The following RRBP1 variants were observed in gnomAD, a reference collection of about 807,000 sequenced individuals.
RRBP1 encodes the protein ribosome-binding protein 1.
In RRBP1, 94 loss-of-function variants were observed where a neutral mutation model predicts 165.2. The observed-to-expected ratio is 0.57, with a 90% CI of 0.48 to 0.68. The LOEUF (loss-of-function observed/expected upper bound fraction) is 0.68, where lower values mean the gene tolerates loss of function less well. Ranked by LOEUF, RRBP1 falls within the 30% of genes least tolerant of loss-of-function variation. The pLI is 0.00. For synonymous variants in RRBP1, 680 were observed against 714.5 expected (o/e 0.95, Z 0.77); for missense variants, 1,676 against 1,763.0 (o/e 0.95, Z 0.88).
intron 9 of RRBP1, among the ~76,000 whole-genome samples, chr20:17,629,473 G>A (rs2036103000): frequency 6.6e-6 from 1 of 152,100 alleles, no homozygotes; most frequent in South Asian, 2.1e-4. Flanking sequence ...CACAGCCACT[G>A]CGGACCCAGG....
intron 11 of RRBP1, among the ~76,000 whole-genome samples, chr20:17,626,571 C>A (rs760055564): frequency 6.6e-6 from 1 of 152,194 alleles, no homozygotes; most frequent in Non-Finnish European, 1.5e-5. Context: ...TGGCCTAGGA[C>A]ACATCTGACC....
At chr20:17,639,932 C>T (rs116853707) in intron 5 of RRBP1, among the ~76,000 whole-genome samples, 1 of 151,270 alleles carries the variant, frequency 6.6e-6, no homozygotes, top group Non-Finnish European at 1.5e-5. Flanking sequence ...GTAAACACAT[C>T]GGCTCTGCTC....
At chr20:17,661,779 G>A (rs752890115) in intron 2 of RRBP1, among the ~76,000 whole-genome samples, 8 of 152,126 alleles carry the variant, frequency 5.3e-5, no homozygotes, top group Non-Finnish European at 1.2e-4. Flanking sequence ...GTGGGAGACT[G>A]GGTCCAGGCT....
At chr20:17,654,728 A>G (rs1300102311) in intron 3 of RRBP1, among the ~76,000 whole-genome samples, 1 of 151,744 alleles carries the variant, frequency 6.6e-6, no homozygotes, top group African/African-American at 2.4e-5. Flanking sequence ...TATATAAACC[A>G]CCCTCAGCCC....
chr20:17,669,862 C>T (rs555596593), intron 2 of RRBP1, among the ~76,000 whole-genome samples: 2 of 152,318 alleles, frequency 1.3e-5, no homozygotes, highest in South Asian at 2.1e-4. Flanking sequence ...AAAAATTCTA[C>T]ATATATAAGC....
At chr20:17,615,336 G>A (rs546825929) in intron 23 of RRBP1, 95 bp downstream of exon 23, 2 of 997,190 alleles carry the variant, frequency 2.0e-6, no homozygotes, top group East Asian at 2.8e-5. Context: ...CGGTGGGGTC[G>A]GCTCTCCCCT....
rs144602809 is a variant in RRBP1, at chr20:17,627,591, C to T, written c.2841G>A (p.Arg947=). 6 of 1,613,444 alleles carry T rather than the reference C, an allele frequency of 3.7e-6. No individual in the cohort carries two copies. The African/African-American group carries it at 8.0e-5, about 22-fold the overall frequency. ...TCTCTGTGAGCTGGGAGTTCTCCGC[C>T]CTGGCCTCCTGGAGCTGCCCGTGGA... is the stretch of plus-strand genomic sequence containing the variant. ...SGLHGQLQEA[R]AENSQLTERI... is the part of the protein sequence containing the mutation. Residue 947 remains arginine (R), a synonymous_variant, in exon 10 of 25, where the codon AGG becomes AGA. Transcript: ENST00000377813.
intron 20 of RRBP1, among the ~76,000 whole-genome samples, chr20:17,617,730 C>T (rs762580589): frequency 6.6e-6 from 1 of 152,222 alleles, no homozygotes; most frequent in Non-Finnish European, 1.5e-5. Context: ...CCTGAATGAC[C>T]AAGGGGGACC....
At position 17,660,202 on chromosome 20, in the gene RRBP1, A is replaced by T. The variant is rs1205355854; in HGVS notation, c.306T>A (p.Ala102=). The change falls in exon 3 of 25, where the codon GCT becomes GCA. Residue 102 remains alanine, a synonymous_variant. Coordinates refer to ENST00000377813, the MANE Select transcript of RRBP1 (RefSeq NM_001365613.2). ...GGGTTGGAGCCACAGCCACAGCAGGAGCCCGCACTGGTTCTCGAAGGAGGA... is the reference window on the plus strand; with the variant it reads ...GGGTTGGAGCCACAGCCACAGCAGGTGCCCGCACTGGTTCTCGAAGGAGGA... ...VTVLLREPVR[A]PAVAVAPTPV... is the part of the protein sequence containing the mutation. The T allele has an allele frequency of 6.2e-7, 1 of 1,613,992 alleles. No homozygotes were observed. Among genetic ancestry groups the T allele is most frequent in the Non-Finnish European group, 8.5e-7 (1 of 1,179,970 alleles).
chr20:17,628,187 C>T (rs927739168), intron 9 of RRBP1, among the ~76,000 whole-genome samples: 4 of 152,128 alleles, frequency 2.6e-5, no homozygotes, highest in African/African-American at 9.7e-5. Context: ...CCTCAGGTCA[C>T]CTCAGACAGT....
At chr20:17,650,928 C>A (rs7262442) in intron 3 of RRBP1, among the ~76,000 whole-genome samples, 44,981 of 152,076 alleles carry the variant, frequency 0.3, 7,831 homozygotes, top group East Asian at 0.58. Flanking sequence ...CATACACACA[C>A]GTCTTGTGTT....
At chr20:17,664,082 T>C (rs1268114484) in intron 2 of RRBP1, among the ~76,000 whole-genome samples, 3 of 152,176 alleles carry the variant, frequency 2.0e-5, no homozygotes, top group Admixed American at 6.5e-5. Context: ...TTAGCCACAG[T>C]ACGAGATTAA....
chr20:17,614,274 AC>A, intron 24 of RRBP1, 54 bp from the exon 25 acceptor site: 1 of 1,565,514 alleles, frequency 6.4e-7, no homozygotes, highest in Non-Finnish European at 8.8e-7. Flanking sequence ...CCATGGCAGA[AC>A]CACCTGCCCT....
chr20:17,621,018 G>A (rs2035903811), intron 16 of RRBP1, among the ~76,000 whole-genome samples: 1 of 152,156 alleles, frequency 6.6e-6, no homozygotes, highest in Non-Finnish European at 1.5e-5. Context: ...TGCCAGGCAA[G>A]GAAATGAGGT....
chr20:17,655,674 G>C (rs377010349), intron 3 of RRBP1, among the ~76,000 whole-genome samples: 2 of 152,218 alleles, frequency 1.3e-5, no homozygotes, highest in African/African-American at 4.8e-5. Flanking sequence ...TTCCTGAGGG[G>C]AGTCCAGGAG....
chr20:17,649,438 T>C (rs1231239486), intron 3 of RRBP1, among the ~76,000 whole-genome samples: 7 of 152,110 alleles, frequency 4.6e-5, no homozygotes, highest in African/African-American at 1.4e-4. Context: ...CCTTAGAGAA[T>C]TGCACGAGGG....
rs139819595 is a variant in RRBP1 at position 17,637,881 on chromosome 20, C to A, written c.2185-1152G>T. ...TGGGGGGCGGGATGAGCTGACACTGCGCCCCAGCACTGTCCCATTTAATTT... is the reference window on the plus strand; with the variant it reads ...TGGGGGGCGGGATGAGCTGACACTGAGCCCCAGCACTGTCCCATTTAATTT... On this transcript the variant is annotated intron_variant, in intron 5 of 24. Coordinates refer to ENST00000377813, the MANE Select transcript of RRBP1 (RefSeq NM_001365613.2). 1.6e-3 allele frequency among the ~76,000 whole-genome samples: 240 copies of A among 152,338 alleles called. 1 individual carries two copies. Among genetic ancestry groups the A allele is most frequent in the African/African-American group, 5.4e-3 (224 of 41,578 alleles).
At chr20:17,631,698 C>CA (rs2036153564) in intron 8 of RRBP1, among the ~76,000 whole-genome samples, 2 of 152,350 alleles carry the variant, frequency 1.3e-5, no homozygotes, top group South Asian at 4.1e-4. Flanking sequence ...AAGCAGGCCC[C>CA]AAGAGGCCGT....
chr20:17,666,438 C>G (rs1306874096), intron 2 of RRBP1, among the ~76,000 whole-genome samples: 1 of 152,024 alleles, frequency 6.6e-6, no homozygotes, highest in Non-Finnish European at 1.5e-5. Flanking sequence ...GTTAGAATAC[C>G]TTTTGTAAAC....
Sources: gnomAD v4.1 joint callset for allele counts (sites outside exome capture counted in the v4.1 genomes callset) on GRCh38, gnomAD v4.1.1 for gene constraint, MANE v1.5 for transcripts, NCBI Gene and HGNC (gene_info 2026-07-23, HGNC 2026-07-21) for gene names.